The following TMEM260 variants were observed in gnomAD, a reference collection of about 807,000 sequenced individuals.
TMEM260 encodes protein O-mannosyl-transferase TMEM260.
Under a neutral mutation model 88.9 loss-of-function variants are expected in TMEM260, and 82 were observed. That is an observed-to-expected ratio of 0.92 (90% confidence interval 0.77 to 1.11). The LOEUF (loss-of-function observed/expected upper bound fraction) is 1.11, where lower values mean the gene tolerates loss of function less well. TMEM260 is among the 50% of genes least tolerant of loss of function. The probability of loss-of-function intolerance (pLI) is 0.00; values close to 1 mark genes in which losing one functional copy is unlikely to be tolerated. For missense variants in TMEM260, 902 were observed against 853.4 expected, an observed-to-expected ratio of 1.06 and a Z score of -0.71; for synonymous variants, 314 against 309.3, an observed-to-expected ratio of 1.02 and a Z score of -0.16.
chr14:56,656,373 T>C, the TMEM260 span, among the ~76,000 whole-genome samples: 7 of 152,014 alleles, frequency 4.6e-5, no homozygotes, highest in Admixed American at 6.6e-5. Context: ...GAGCTGTGTT[T>C]GTGCCACTGC....
chr14:56,651,727 A>G (rs1890210495), downstream of TMEM260, among the ~76,000 whole-genome samples: 6 of 152,222 alleles, frequency 3.9e-5, no homozygotes, highest in Non-Finnish European at 1.5e-5. Flanking sequence ...TTAGATGAGG[A>G]TAAGTATAAT....
At chr14:56,659,261 G>GTTT in the TMEM260 span, among the ~76,000 whole-genome samples, 6 of 140,374 alleles carry the variant, frequency 4.3e-5, no homozygotes, top group African/African-American at 7.8e-5. Context: ...TTTGGTTTTT[G>GTTT]TTTTTTTTTT....
At chr14:56,613,430 C>T (rs544797730) in intron 7 of TMEM260, 2 of 152,212 alleles carry the variant, frequency 1.3e-5, no homozygotes, top group African/African-American at 4.8e-5. Flanking sequence ...TTAGAAAATA[C>T]AGGTAAGCAA....
At chr14:56,610,033 T>C (rs1251661203) in intron 6 of TMEM260, among the ~76,000 whole-genome samples, 1 of 152,048 alleles carries the variant, frequency 6.6e-6, no homozygotes, top group South Asian at 2.1e-4. Context: ...CTCTAAACCA[T>C]GAGAAACTAA....
intron 10 of TMEM260, among the ~76,000 whole-genome samples, chr14:56,620,299 T>G (rs1367472152): frequency 2.0e-5 from 3 of 152,088 alleles, no homozygotes; most frequent in Non-Finnish European, 2.9e-5. Flanking sequence ...AAATAAAAGT[T>G]AAAAAAACCC....
intron 6 of TMEM260, 33 bp from the exon 7 acceptor site, chr14:56,612,212 T>C (rs1327602238): frequency 1.9e-6 from 3 of 1,591,258 alleles, no homozygotes; most frequent in Non-Finnish European, 2.6e-6. Flanking sequence ...AGTTTAATGC[T>C]TGTGCAGATA....
chr14:56,609,872 T>A (rs1399129370), intron 6 of TMEM260, among the ~76,000 whole-genome samples: 1 of 152,180 alleles, frequency 6.6e-6, no homozygotes, highest in Non-Finnish European at 1.5e-5. Flanking sequence ...ACAGTAAAGA[T>A]TATCTGAAAA....
At chr14:56,632,851 A>G (rs970499722) in intron 12 of TMEM260, 144 bp from the exon 13 acceptor site, 1 of 667,934 alleles carries the variant, frequency 1.5e-6, no homozygotes. Flanking sequence ...AAGACTAAAC[A>G]CAGGTAGTTA....
the TMEM260 span, among the ~76,000 whole-genome samples, chr14:56,655,928 T>C: frequency 1.3e-5 from 2 of 152,142 alleles, no homozygotes; most frequent in African/African-American, 2.4e-5. Flanking sequence ...CTAGTTCATA[T>C]TGCTTGCACA....
At chr14:56,585,285 AAAAT>A (rs1232185004) in intron 2 of TMEM260, among the ~76,000 whole-genome samples, 1 of 152,160 alleles carries the variant, frequency 6.6e-6, no homozygotes, top group African/African-American at 2.4e-5. Flanking sequence ...TGTGGGGAAT[AAAAT>A]AAATCGGGTT....
At chr14:56,611,612 T>G (rs1887281607) in intron 6 of TMEM260, among the ~76,000 whole-genome samples, 1 of 152,176 alleles carries the variant, frequency 6.6e-6, no homozygotes, top group Admixed American at 6.5e-5. Flanking sequence ...AGTTCAGCCA[T>G]TGTGGAAAGC....
chr14:56,597,397 T>G (rs1283671341), intron 3 of TMEM260, among the ~76,000 whole-genome samples: 1 of 152,216 alleles, frequency 6.6e-6, no homozygotes, highest in Non-Finnish European at 1.5e-5. Context: ...TAAGGGATCC[T>G]CAACCTGTAA....
At chr14:56,640,266 C>T (rs1889478278) in intron 15 of TMEM260, among the ~76,000 whole-genome samples, 1 of 152,182 alleles carries the variant, frequency 6.6e-6, no homozygotes, top group Non-Finnish European at 1.5e-5. Flanking sequence ...GGACTGACAC[C>T]TCACACAGCC....
At chr14:56,586,687 AAAAC>A (rs1263925407) in intron 3 of TMEM260, among the ~76,000 whole-genome samples, 14 of 152,128 alleles carry the variant, frequency 9.2e-5, no homozygotes, top group African/African-American at 3.4e-4. Context: ...GTCTTACTAT[AAAAC>A]AAATGATTTC....
intron 9 of TMEM260, among the ~76,000 whole-genome samples, chr14:56,617,706 T>G (rs1429419082): frequency 2.0e-5 from 3 of 152,178 alleles, no homozygotes; most frequent in African/African-American, 7.2e-5. Context: ...TATTTCTGTT[T>G]TCTTTGGCAG....
intron 11 of TMEM260, among the ~76,000 whole-genome samples, chr14:56,624,635 T>A (rs1296963016): frequency 6.6e-6 from 1 of 152,088 alleles, no homozygotes; most frequent in Admixed American, 6.6e-5. Context: ...TACACAGAGA[T>A]GAAAAAATAC....
chr14:56,616,365 G>T (rs930153636), intron 8 of TMEM260: 1 of 173,388 alleles, frequency 5.8e-6, no homozygotes, highest in African/African-American at 2.4e-5. Context: ...AAAGTGATCC[G>T]ATGACAAAAG....
intron 5 of TMEM260, among the ~76,000 whole-genome samples, chr14:56,608,231 T>C (rs183789465): frequency 1.3e-5 from 2 of 152,350 alleles, no homozygotes; most frequent in East Asian, 1.9e-4. Context: ...TTGATTCTTA[T>C]ATTCATTCTC....
At chr14:56,638,829 T>C (rs1393605885) in intron 15 of TMEM260, among the ~76,000 whole-genome samples, 3 of 152,068 alleles carry the variant, frequency 2.0e-5, no homozygotes, top group African/African-American at 7.2e-5. Context: ...TAGGAATAAA[T>C]TGGATAATTT....
Sources: allele counts gnomAD v4.1 joint callset (sites outside exome capture counted in the v4.1 genomes callset), GRCh38; gene constraint gnomAD v4.1.1; transcripts MANE v1.5; gene names NCBI Gene and HGNC (gene_info 2026-07-23, HGNC 2026-07-21).